The following BIK variants were observed in gnomAD, a reference collection of about 807,000 sequenced individuals.
BIK encodes BCL2 interacting killer.
A neutral mutation model predicts 12.1 loss-of-function variants in BIK; 14 were observed. That is an observed-to-expected ratio of 1.16 (90% CI 0.77 to 1.81). The LOEUF is 1.81. BIK is among the 40% of genes most tolerant of loss of function. BIK has a pLI of 0.00. For missense variants in BIK, 215 were observed against 207.9 expected, an observed-to-expected ratio of 1.03 and a Z score of -0.21; for synonymous variants, 86 against 92.3, an observed-to-expected ratio of 0.93 and a Z score of 0.39.
At position 43,129,550 on chromosome 22, in the gene BIK, C is replaced by A. The variant is rs1930399395; in HGVS notation, c.*245C>A. ...TGCAATTGTCACCGGTTAACTGTGG[C>A]CTGTGCCCAGGAAGAGCCATTCACT... is the stretch of plus-strand genomic sequence containing the variant. On this transcript the variant is annotated 3_prime_UTR_variant, in exon 5 of 5. Transcript: ENST00000216115. The A allele has an allele frequency of 1.5e-6, 1 of 648,702 alleles. No individual in the cohort carries two copies. Among genetic ancestry groups the A allele is most frequent in the Non-Finnish European group, 2.5e-6 (1 of 401,620 alleles). 40.2% of individuals were successfully genotyped at this position (648,702 alleles called of 1,614,324 possible).
At chr22:43,117,114 A>C (rs1009359466) in intron 1 of BIK, among the ~76,000 whole-genome samples, 1 of 152,048 alleles carries the variant, frequency 6.6e-6, no homozygotes, top group Non-Finnish European at 1.5e-5. Flanking sequence ...AAAGGCTCTG[A>C]TTCTAGATCT....
intron 1 of BIK, 48 bp from the exon 2 acceptor site, chr22:43,123,968 A>G: frequency 6.3e-7 from 1 of 1,595,958 alleles, no homozygotes; most frequent in South Asian, 1.1e-5. Flanking sequence ...GAGCCCCCAG[A>G]CTGCTCAGTT....
At chr22:43,120,754 G>A (rs1930204488) in intron 1 of BIK, among the ~76,000 whole-genome samples, 1 of 152,204 alleles carries the variant, frequency 6.6e-6, no homozygotes, top group Non-Finnish European at 1.5e-5. Context: ...ATGCAGATCT[G>A]GGCCCTAAGG....
intron 1 of BIK, among the ~76,000 whole-genome samples, chr22:43,112,837 TTGAGGC>T (rs1930037444): frequency 6.6e-6 from 1 of 151,824 alleles, no homozygotes; most frequent in Non-Finnish European, 1.5e-5. Context: ...CTTGGAGGGG[TTGAGGC>T]TGCAGTGAAC....
Position 43,115,818 on chromosome 22 carries a change from A to G in BIK, c.-8+5015A>G, listed in dbSNP as rs550504351. 5.3e-5 allele frequency among the ~76,000 whole-genome samples: 8 copies of G among 150,432 alleles called. No individual in the cohort carries two copies. In the East Asian group the frequency reaches 9.9e-4, roughly 19 times the overall value. Reference sequence around the variant, plus strand: ...GTTGCCCAGGTTAGAGTGCGGTGGCACGATCTTGGCTCACTGCAACCTCTG... The same window carrying G: ...GTTGCCCAGGTTAGAGTGCGGTGGCGCGATCTTGGCTCACTGCAACCTCTG... On this transcript the variant is annotated intron_variant, in intron 1 of 4. Coordinates refer to ENST00000216115, the MANE Select transcript of BIK (RefSeq NM_001197.5).
At chr22:43,125,149 C>T (rs983041827) in intron 2 of BIK, among the ~76,000 whole-genome samples, 4 of 152,128 alleles carry the variant, frequency 2.6e-5, no homozygotes, top group African/African-American at 7.2e-5. Context: ...AGTTGGTGCA[C>T]AATGAATAGT....
rs4988414 is a variant in BIK, at chr22:43,123,963, C to T, written c.-7-53C>T. 4,851 of 1,588,958 alleles carry T rather than the reference C, an allele frequency of 3.1e-3. 142 individuals carry two copies. In the African/African-American group the frequency reaches 0.058, roughly 19 times the overall value. ...CTGGGGGTCATCCTGTGAGAGAGCC[C>T]CCAGACTGCTCAGTTCTTAGGGGTC... On this transcript the variant is annotated intron_variant, in intron 1 of 4. Coordinates refer to ENST00000216115, the MANE Select transcript of BIK (RefSeq NM_001197.5).
chr22:43,120,680 G>A (rs761746503), intron 1 of BIK, among the ~76,000 whole-genome samples: 12 of 152,160 alleles, frequency 7.9e-5, no homozygotes, highest in South Asian at 2.1e-4. Context: ...GCAGGAGGTC[G>A]CTGCTGCAAG....
intron 1 of BIK, among the ~76,000 whole-genome samples, chr22:43,112,494 C>G (rs1180895933): frequency 6.6e-6 from 1 of 152,058 alleles, no homozygotes; most frequent in Non-Finnish European, 1.5e-5. Context: ...CCACCCCGCC[C>G]GGCTTGAGTG....
chr22:43,122,364 G>A (rs1930236467), intron 1 of BIK, among the ~76,000 whole-genome samples: 1 of 152,218 alleles, frequency 6.6e-6, no homozygotes. Flanking sequence ...CTCCCAGCGT[G>A]CCAGGCCCTG....
intron 3 of BIK, 80 bp from the exon 4 acceptor site, chr22:43,128,416 T>G: frequency 6.5e-7 from 1 of 1,538,690 alleles, no homozygotes; most frequent in Non-Finnish European, 9.0e-7. Context: ...CCCACAGCTG[T>G]GATGGTGTCA....
At chr22:43,123,138 C>T (rs541564514) in intron 1 of BIK, among the ~76,000 whole-genome samples, 4 of 152,222 alleles carry the variant, frequency 2.6e-5, no homozygotes, top group African/African-American at 9.6e-5. Context: ...GGGGTGATCC[C>T]ATTTGTGAAG....
chr22:43,114,048 G>C (rs1057435562), intron 1 of BIK, among the ~76,000 whole-genome samples: 1 of 152,156 alleles, frequency 6.6e-6, no homozygotes, highest in African/African-American at 2.4e-5. Flanking sequence ...TAAGTTCCTT[G>C]TTGGCCCCGA....
rs1930398092 is a variant in BIK at position 43,129,481 on chromosome 22, T to TTA, written c.*176_*177insTA. On this transcript the variant is annotated 3_prime_UTR_variant, in exon 5 of 5. Coordinates refer to ENST00000216115, the MANE Select transcript of BIK (RefSeq NM_001197.5). ...ATACTCAGGTTTTTTGTTTTTTTTTTATTCCAGTTTTCGTTTTTTCTAAAA... is the reference window on the plus strand; with the variant it reads ...ATACTCAGGTTTTTTGTTTTTTTTTTTAATTCCAGTTTTCGTTTTTTCTAAAA... 1 of 1,124,014 alleles carries TTA rather than the reference T, an allele frequency of 8.9e-7. No homozygotes were observed. 69.6% of individuals were successfully genotyped at this position (1,124,014 alleles called of 1,614,324 possible). A position where few individuals can be genotyped will look rare whatever the true frequency, so the allele number is the denominator to read the frequency against.
chr22:43,127,314 T>C (rs1425970022), intron 2 of BIK, among the ~76,000 whole-genome samples: 3 of 151,972 alleles, frequency 2.0e-5, no homozygotes, highest in Non-Finnish European at 4.4e-5. Flanking sequence ...GGCTCAGCCA[T>C]CCGGGGGACT....
intron 1 of BIK, among the ~76,000 whole-genome samples, chr22:43,114,654 T>G (rs1315559005): frequency 6.6e-6 from 1 of 152,176 alleles, no homozygotes; most frequent in African/African-American, 2.4e-5. Context: ...AGGCTCCCTT[T>G]CATGTGAGGG....
At chr22:43,111,233 G>A (rs895054749) in intron 1 of BIK, among the ~76,000 whole-genome samples, 2 of 152,214 alleles carry the variant, frequency 1.3e-5, no homozygotes, top group Admixed American at 1.3e-4. Flanking sequence ...CACAGCCCCG[G>A]TGCCCTTAAA....
Position 43,127,702 on chromosome 22 carries a change from C to A in BIK, c.167C>A (p.Ala56Glu). 1 of 1,554,054 alleles carries A rather than the reference C, an allele frequency of 6.4e-7. No individual in the cohort carries two copies. The highest frequency in any genetic ancestry group is 8.7e-7 in the Non-Finnish European group (1 of 1,149,166). Reference sequence around the variant, plus strand: ...CCTGTGTGTGCTCCCTGCAGTGACGCATTGGCCCTGCGGCTGGCCTGCATC... The same window carrying A: ...CCTGTGTGTGCTCCCTGCAGTGACGAATTGGCCCTGCGGCTGGCCTGCATC... The part of the protein sequence containing the change: ...DSLECMEGSD[A>E]LALRLACIGD... The change falls in exon 3 of 5, where the codon GCA (alanine) becomes GAA (glutamate). Residue 56 changes from alanine to glutamate, a missense_variant. By Grantham distance (107) the Ala-to-Glu change is moderately radical. Transcript: ENST00000216115.
chr22:43,126,556 G>A (rs1339174111), intron 2 of BIK, among the ~76,000 whole-genome samples: 4 of 152,132 alleles, frequency 2.6e-5, no homozygotes, highest in Admixed American at 6.5e-5. Context: ...GCTGACCTCA[G>A]TAGTTTCTAC....
Sources: allele counts gnomAD v4.1 joint callset (sites outside exome capture counted in the v4.1 genomes callset), GRCh38; gene constraint gnomAD v4.1.1; transcripts MANE v1.5; gene names NCBI Gene and HGNC (gene_info 2026-07-23, HGNC 2026-07-21).